The following AMPH variants were observed in gnomAD, a reference collection of about 807,000 sequenced individuals.
The protein encoded by AMPH is amphiphysin (Stiff-Mann syndrome with breast cancer 128kD autoantigen).
In AMPH, 49 loss-of-function variants were observed where a neutral mutation model predicts 99.1. The ratio of observed to expected loss-of-function variants is 0.49; its 90% CI spans 0.39 to 0.63. The LOEUF (loss-of-function observed/expected upper bound fraction) is 0.63, where lower values mean the gene tolerates loss of function less well. Among genes scored for constraint, AMPH ranks in the 20% least tolerant of loss-of-function variants. The pLI is 0.00. For synonymous variants in AMPH, 314 were observed against 317.3 expected, an observed-to-expected ratio of 0.99 and a Z score of 0.11; for missense variants, 759 against 863.4, an observed-to-expected ratio of 0.88 and a Z score of 1.52.
chr7:38,579,337 T>C (rs898983007), intron 1 of AMPH, among the ~76,000 whole-genome samples: 3 of 152,190 alleles, frequency 2.0e-5, no homozygotes, highest in African/African-American at 7.2e-5. Context: ...AGTGGAAACA[T>C]GGCCAGACTC....
intron 1 of AMPH, among the ~76,000 whole-genome samples, chr7:38,587,914 CTGTGTGTGTG>C (rs200023803): frequency 2.5e-4 from 31 of 126,082 alleles, no homozygotes; most frequent in Middle Eastern, 3.7e-3. Context: ...TTATTAATTA[CTGTGTGTGTG>C]TGTGTGTGTG....
At chr7:38,397,941 C>T (rs933766740) in intron 17 of AMPH, among the ~76,000 whole-genome samples, 12 of 151,946 alleles carry the variant, frequency 7.9e-5, no homozygotes, top group Admixed American at 3.9e-4. Flanking sequence ...AAATGCAAAT[C>T]GAAACTACAA....
intron 2 of AMPH, among the ~76,000 whole-genome samples, chr7:38,520,614 C>G (rs1261622196): frequency 1.3e-5 from 2 of 152,092 alleles, no homozygotes; most frequent in Non-Finnish European, 2.9e-5. Context: ...TGTAAGAAAA[C>G]TAGATAACAA....
intron 1 of AMPH, among the ~76,000 whole-genome samples, chr7:38,545,187 G>A (rs1410193645): frequency 1.3e-5 from 2 of 152,116 alleles, no homozygotes; most frequent in Non-Finnish European, 2.9e-5. Context: ...TTTACTGGTG[G>A]TTTCTCACAT....
At position 38,407,068 on chromosome 7, in the gene AMPH, ATATATATATGTGTGTGTGTG is replaced by A. The variant is rs751690095; in HGVS notation, c.1398+10737_1398+10756del. ...TCTCTCTATATATATATATATATAT[ATATATATATGTGTGTGTGTG>A]TGTGTGTGTGTGTGTGTGTGTGTGT... On this transcript the variant is annotated intron_variant, in intron 17 of 20. Coordinates refer to ENST00000356264, the MANE Select transcript of AMPH (RefSeq NM_001635.4). Among the ~76,000 whole-genome samples the A allele has an allele frequency of 4.4e-4, 12 of 27,172 alleles. No individual in the cohort carries two copies. In the East Asian group the frequency reaches 4.8e-3, roughly 11 times the overall value. The allele number at this position is 27,172 out of a possible 152,430, so 17.8% of individuals were successfully genotyped here. A position where few individuals can be genotyped will look rare whatever the true frequency, so the allele number is the denominator to read the frequency against.
chr7:38,611,989 AC>A (rs1793695766), intron 1 of AMPH, among the ~76,000 whole-genome samples: 1 of 151,664 alleles, frequency 6.6e-6, no homozygotes, highest in Non-Finnish European at 1.5e-5. Flanking sequence ...TAAGTAAATG[AC>A]CCAGGTCTAA....
At chr7:38,490,007 C>T (rs1254371845) in intron 5 of AMPH, among the ~76,000 whole-genome samples, 1 of 151,970 alleles carries the variant, frequency 6.6e-6, no homozygotes, top group Non-Finnish European at 1.5e-5. Context: ...AAATAATTTG[C>T]CATGCAATAA....
intron 11 of AMPH, among the ~76,000 whole-genome samples, chr7:38,444,092 T>G (rs1307651922): frequency 6.6e-6 from 1 of 152,106 alleles, no homozygotes; most frequent in Non-Finnish European, 1.5e-5. Flanking sequence ...ATAATAACAA[T>G]ATAAAATACT....
At chr7:38,570,084 A>C (rs1210087188) in intron 1 of AMPH, among the ~76,000 whole-genome samples, 1 of 152,176 alleles carries the variant, frequency 6.6e-6, no homozygotes, top group Non-Finnish European at 1.5e-5. Flanking sequence ...AAGTTGCCTT[A>C]ACGAGTCCTG....
intron 17 of AMPH, among the ~76,000 whole-genome samples, chr7:38,398,300 T>C (rs1327230082): frequency 4.0e-5 from 6 of 151,744 alleles, no homozygotes; most frequent in Non-Finnish European, 7.4e-5. Flanking sequence ...TAAGTATCCA[T>C]CAACAGATGA....
chr7:38,437,639 A>AAAAGAAAGAAAAG (rs1554336213), intron 11 of AMPH, among the ~76,000 whole-genome samples: 6 of 96,728 alleles, frequency 6.2e-5, no homozygotes, highest in East Asian at 8.5e-4. Context: ...AAAAAAAAAA[A>AAAAGAAAGAAAAG]AAAAGAAAAG....
chr7:38,575,207 T>G (rs1292746869), intron 1 of AMPH, among the ~76,000 whole-genome samples: 6 of 152,120 alleles, frequency 3.9e-5, no homozygotes, highest in African/African-American at 1.4e-4. Context: ...CATTGGGCAC[T>G]GGGGATATAG....
chr7:38,393,998 C>A lies in AMPH; in HGVS notation c.1608+7G>T, dbSNP rs777331746. 1.5e-5 allele frequency: 25 copies of A among 1,614,068 alleles called. No individual in the cohort carries two copies. Among genetic ancestry groups the A allele is most frequent in the Non-Finnish European group, 1.7e-5 (20 of 1,180,008 alleles). On this transcript the variant is annotated splice_region_variant and intron_variant, in intron 18 of 20. Transcript: ENST00000356264. ...GAGCTCCCCTGGCTGCGACATGGGA[C>A]ACTCACCTGAGGCACTGTTGCTTCG...
At chr7:38,525,792 T>C (rs1790165404) in intron 2 of AMPH, among the ~76,000 whole-genome samples, 1 of 152,156 alleles carries the variant, frequency 6.6e-6, no homozygotes, top group Non-Finnish European at 1.5e-5. Context: ...TTTCTTTTCA[T>C]TGCTTACTAG....
chr7:38,625,369 C>A (rs1402810863), intron 1 of AMPH, among the ~76,000 whole-genome samples: 4 of 152,150 alleles, frequency 2.6e-5, no homozygotes, highest in Admixed American at 6.5e-5. Flanking sequence ...GAAGAAACAA[C>A]TTTTTAAAGT....
Position 38,394,207 on chromosome 7 carries a change from G to C in AMPH, c.1406C>G (p.Pro469Arg). ...EEPVEEAVII[P>R]GADADAAVGT... ...AACAGCTGCATCAGCATCAGCTCCA[G>C]GTATGATCTGCAGGGCAGAAACCAG... Residue 469 changes from proline to arginine, a missense_variant, in exon 18 of 21, where the codon CCT (proline) becomes CGT (arginine). Around this residue, in one of 2 missense-constraint regions of AMPH, gnomAD observed 554 missense variants for 575.6 expected, o/e 0.96. Coordinates refer to ENST00000356264, the MANE Select transcript of AMPH (RefSeq NM_001635.4). The C allele has an allele frequency of 6.2e-7, 1 of 1,614,106 alleles. No homozygotes were observed. Among genetic ancestry groups the C allele is most frequent in the Non-Finnish European group, 8.5e-7 (1 of 1,180,022 alleles).
chr7:38,448,295 T>C (rs768928258), intron 11 of AMPH, among the ~76,000 whole-genome samples: 20 of 152,224 alleles, frequency 1.3e-4, no homozygotes, highest in Non-Finnish European at 2.5e-4. Context: ...TCATTTAAAA[T>C]GATGTTGCCA....
At position 38,609,468 on chromosome 7, in the gene AMPH, T is replaced by C. The variant is rs531171730; in HGVS notation, c.69+21815A>G. ...GCACTTTAGGCATTTTGTCAGAAAC[T>C]GTTGGCACACTGTAGAGAGCCTGAG... On this transcript the variant is annotated intron_variant, in intron 1 of 20. Coordinates refer to ENST00000356264, the MANE Select transcript of AMPH (RefSeq NM_001635.4). 5.3e-5 allele frequency among the ~76,000 whole-genome samples: 8 copies of C among 152,298 alleles called. No homozygotes were observed. In the South Asian group the frequency reaches 1.7e-3, roughly 32 times the overall value.
At chr7:38,391,172 T>G (rs73348823) in intron 19 of AMPH, among the ~76,000 whole-genome samples, 3,330 of 152,328 alleles carry the variant, frequency 0.022, 102 homozygotes, top group African/African-American at 0.075. Context: ...TTACTAAGTT[T>G]TTTTGGTAAG....
Sources: allele counts gnomAD v4.1 joint callset (sites outside exome capture counted in the v4.1 genomes callset), GRCh38; gene constraint gnomAD v4.1.1; regional missense constraint gnomAD v4.1.1; transcripts MANE v1.5; gene names NCBI Gene and HGNC (gene_info 2026-07-23, HGNC 2026-07-21).